The following SNRPE variants were observed in gnomAD, a reference collection of about 807,000 sequenced individuals.
SNRPE encodes the protein small nuclear ribonucleoprotein polypeptide E.
For synonymous variants in SNRPE, 35 were observed against 36.7 expected (o/e 0.95, Z 0.17); for missense variants, 53 against 111.6 (o/e 0.48, Z 2.36).
At chr1:203,864,903 T>G in intron 3 of SNRPE, 138 bp from the exon 4 acceptor site, 4 of 412,810 alleles carry the variant, frequency 9.7e-6, no homozygotes, top group South Asian at 5.3e-5. Flanking sequence ...AAAAAAAAAC[T>G]TTGGGTGGAA....
intron 3 of SNRPE, among the ~76,000 whole-genome samples, chr1:203,864,504 C>T (rs1380117024): frequency 6.6e-6 from 1 of 151,826 alleles, no homozygotes; most frequent in Non-Finnish European, 1.5e-5. Context: ...CAATCTTGAA[C>T]TCCTTGGCTC....
chr1:203,869,357 A>T (rs867062799), intron 4 of SNRPE, among the ~76,000 whole-genome samples: 1 of 117,770 alleles, frequency 8.5e-6, no homozygotes, highest in Middle Eastern at 9.8e-3. Flanking sequence ...CCCAGGCTGG[A>T]GTGCAATGGT....
chr1:203,866,628 G>T (rs1171652398), intron 4 of SNRPE, among the ~76,000 whole-genome samples: 1 of 152,094 alleles, frequency 6.6e-6, no homozygotes, highest in Non-Finnish European at 1.5e-5. Flanking sequence ...TTCCAGTTCA[G>T]CTTACTAATT....
intron 4 of SNRPE, among the ~76,000 whole-genome samples, chr1:203,866,722 T>G (rs1400889163): frequency 6.6e-6 from 1 of 152,088 alleles, no homozygotes; most frequent in African/African-American, 2.4e-5. Context: ...GTCATCCCTT[T>G]GCTTGAAATA....
At position 203,863,644 on chromosome 1, in the gene SNRPE, A is replaced by AC. The variant is rs747784969; in HGVS notation, c.82-18dup. On this transcript the variant is annotated intron_variant, in intron 2 of 4. Coordinates refer to ENST00000414487, the MANE Select transcript of SNRPE (RefSeq NM_003094.4). ...CTATTTTTCTTTTTTTAACGTTTCC[A>AC]CTTTTATGATTATTTCAGAGATCGC... The AC allele has an allele frequency of 1.2e-6, 2 of 1,602,068 alleles. No individual in the cohort carries two copies. The highest frequency in any genetic ancestry group is 4.5e-5 in the East Asian group (2 of 44,750).
chr1:203,868,449 T>A (rs6696091), intron 4 of SNRPE, among the ~76,000 whole-genome samples: 1 of 151,696 alleles, frequency 6.6e-6, no homozygotes, highest in Non-Finnish European at 1.5e-5. Flanking sequence ...TCCCATTCAC[T>A]TGAGGTTTAT....
chr1:203,863,768 G>A, intron 3 of SNRPE, 43 bp downstream of exon 3: 2 of 1,295,208 alleles, frequency 1.5e-6, no homozygotes, highest in Non-Finnish European at 2.2e-6. Flanking sequence ...TTCGGTCGTA[G>A]AAAAAGACTT....
chr1:203,863,686 C>T lies in SNRPE; in HGVS notation c.105C>T (p.Leu35=), dbSNP rs571124698. 7 of 1,611,474 alleles carry T rather than the reference C, an allele frequency of 4.3e-6. No individual in the cohort carries two copies. The South Asian group carries it at 7.7e-5, about 18-fold the overall frequency. ...LQNRSRIQVW[L]YEQVNMRIEG... Reference sequence around the variant, plus strand: ...AGAGATCGCGGATTCAGGTGTGGCTCTATGAGCAAGTGAATATGCGGATAG... The same window carrying T: ...AGAGATCGCGGATTCAGGTGTGGCTTTATGAGCAAGTGAATATGCGGATAG... Residue 35 remains leucine (L), a synonymous_variant, in exon 3 of 5, where the codon CTC becomes CTT. Coordinates refer to ENST00000414487, the MANE Select transcript of SNRPE (RefSeq NM_003094.4).
At chr1:203,868,922 G>C (rs1393414742) in intron 4 of SNRPE, among the ~76,000 whole-genome samples, 1 of 152,152 alleles carries the variant, frequency 6.6e-6, no homozygotes, top group Non-Finnish European at 1.5e-5. Flanking sequence ...ACCCACCTTG[G>C]CCTCCCAAAG....
chr1:203,867,279 CAAAAAAAA>C (rs200904781), intron 4 of SNRPE, among the ~76,000 whole-genome samples: 1 of 142,618 alleles, frequency 7.0e-6, no homozygotes, highest in African/African-American at 2.6e-5. Context: ...GACTCTGTCT[CAAAAAAAA>C]AAAAAAAAAC....
chr1:203,870,719 T>C lies in SNRPE; in HGVS notation c.*787T>C, dbSNP rs913775817. Among the ~76,000 whole-genome samples, 1 of 152,212 alleles carries C rather than the reference T, an allele frequency of 6.6e-6. No homozygotes were observed. The highest frequency in any genetic ancestry group is 1.5e-5 in the Non-Finnish European group (1 of 68,038). ...GAATTCTTATATGGACAGGTTTCCC[T>C]TCCCCCAGTATCGCACATGGTTCTA... is the stretch of plus-strand genomic sequence containing the variant. On this transcript the variant is annotated 3_prime_UTR_variant, in exon 5 of 5. Coordinates refer to ENST00000414487, the MANE Select transcript of SNRPE (RefSeq NM_003094.4).
rs1340700933 is a variant in SNRPE, at chr1:203,870,063, T to C, written c.*131T>C. On this transcript the variant is annotated 3_prime_UTR_variant, in exon 5 of 5. Transcript: ENST00000414487. Reference sequence around the variant, plus strand: ...TACTACAAGATGGCAATAAATACTATGGGATTGTTTGTATTAAAAAATTTA... The same window carrying C: ...TACTACAAGATGGCAATAAATACTACGGGATTGTTTGTATTAAAAAATTTA... The C allele has an allele frequency of 5.2e-6, 3 of 572,050 alleles. No individual in the cohort carries two copies. Among genetic ancestry groups the C allele is most frequent in the East Asian group, 3.1e-5 (1 of 32,146 alleles). The allele number at this position is 572,050 out of a possible 1,614,324, so 35.4% of individuals were successfully genotyped here.
chr1:203,867,321 C>T (rs908752732), intron 4 of SNRPE, among the ~76,000 whole-genome samples: 15 of 151,164 alleles, frequency 9.9e-5, no homozygotes, highest in Non-Finnish European at 1.3e-4. Context: ...CATTTTGGCA[C>T]CAGGGACCGG....
rs1339888855 is a variant in SNRPE, at chr1:203,871,110, TTTGA to T, written c.*1181_*1184del. ...TTCCTCCTGTCTGAACTCATGCTCT[TTTGA>T]TTATGTTTTGAAATAAAGGGCTGCA... On this transcript the variant is annotated 3_prime_UTR_variant, in exon 5 of 5. Transcript: ENST00000414487. Among the ~76,000 whole-genome samples, 1 of 152,232 alleles carries T rather than the reference TTTGA, an allele frequency of 6.6e-6. No individual in the cohort carries two copies. Among genetic ancestry groups the T allele is most frequent in the Non-Finnish European group, 1.5e-5 (1 of 68,038 alleles).
At chr1:203,865,363 G>T (rs1425308588) in intron 4 of SNRPE, among the ~76,000 whole-genome samples, 1 of 152,118 alleles carries the variant, frequency 6.6e-6, no homozygotes, top group Admixed American at 6.6e-5. Context: ...CTAATGATCA[G>T]TACTAATCCT....
rs1309894820 is a variant in SNRPE, at chr1:203,871,143, G to T, written c.*1211G>T. 6.6e-6 allele frequency among the ~76,000 whole-genome samples: 1 copy of T among 152,202 alleles called. No homozygotes were observed. The highest frequency in any genetic ancestry group is 1.9e-4 in the East Asian group (1 of 5,198). ...TGTTTTGAAATAAAGGGCTGCATTA[G>T]TTCTTTTAACATTTGAGTTTGAAAT... On this transcript the variant is annotated 3_prime_UTR_variant, in exon 5 of 5. Transcript: ENST00000414487.
chr1:203,869,939 T>G lies in SNRPE; in HGVS notation c.*7T>G, dbSNP rs748550517. ...ACAAAGTGTCTCCAACTAGAAATGA[T>G]CAATGAAGTGAGAAATTGTTGAGAA... On this transcript the variant is annotated 3_prime_UTR_variant, in exon 5 of 5. Coordinates refer to ENST00000414487, the MANE Select transcript of SNRPE (RefSeq NM_003094.4). The G allele has an allele frequency of 1.9e-6, 3 of 1,561,750 alleles. No individual in the cohort carries two copies. Among genetic ancestry groups the G allele is most frequent in the Non-Finnish European group, 2.6e-6 (3 of 1,137,346 alleles).
In SNRPE at chr1:203,870,732, G is replaced by A. The variant is rs999904486; in HGVS notation, c.*800G>A. On this transcript the variant is annotated 3_prime_UTR_variant, in exon 5 of 5. Coordinates refer to ENST00000414487, the MANE Select transcript of SNRPE (RefSeq NM_003094.4). ...GACAGGTTTCCCTTCCCCCAGTATCGCACATGGTTCTAGTTAGAATCCTGT... is the reference window on the plus strand; with the variant it reads ...GACAGGTTTCCCTTCCCCCAGTATCACACATGGTTCTAGTTAGAATCCTGT... 2.0e-5 allele frequency among the ~76,000 whole-genome samples: 3 copies of A among 152,164 alleles called. No individual in the cohort carries two copies. The highest frequency in any genetic ancestry group is 1.3e-4 in the Admixed American group (2 of 15,278).
At chr1:203,865,172 G>A in intron 4 of SNRPE, 53 bp downstream of exon 4, 1 of 1,484,770 alleles carries the variant, frequency 6.7e-7, no homozygotes, top group African/African-American at 1.4e-5. Context: ...TTCACTTGCA[G>A]AATTCAGTGA....
Sources: allele counts gnomAD v4.1 joint callset (sites outside exome capture counted in the v4.1 genomes callset), GRCh38; gene constraint gnomAD v4.1.1; transcripts MANE v1.5; gene names NCBI Gene and HGNC (gene_info 2026-07-23, HGNC 2026-07-21).